Variants in SLC44A1 observed in about 807,000 individuals in gnomAD.
SLC44A1 encodes solute carrier family 44 member 1.
Under a neutral mutation model 79.3 loss-of-function variants are expected in SLC44A1, and 26 were observed. The ratio of observed to expected loss-of-function variants is 0.33; its 90% CI spans 0.24 to 0.46. The LOEUF (loss-of-function observed/expected upper bound fraction) is 0.46, where lower values mean the gene tolerates loss of function less well. Among genes scored for constraint, SLC44A1 ranks in the 20% least tolerant of loss-of-function variants. SLC44A1 has a pLI of 1.00. For missense variants in SLC44A1, 688 were observed against 798.1 expected (o/e 0.86, Z 1.66); for synonymous variants, 263 against 286.2 (o/e 0.92, Z 0.82).
At chr9:105,304,944 G>GTTT (rs10589897) in intron 2 of SLC44A1, among the ~76,000 whole-genome samples, 3 of 20,086 alleles carry the variant, frequency 1.5e-4, no homozygotes, top group African/African-American at 2.7e-4. Flanking sequence ...ACTTTCTATC[G>GTTT]TTTTTTTTTT....
At chr9:105,437,379 A>C (rs1233841112) in intron 15 of SLC44A1, among the ~76,000 whole-genome samples, 1 of 152,054 alleles carries the variant, frequency 6.6e-6, no homozygotes, top group East Asian at 1.9e-4. Flanking sequence ...ATATAGATAT[A>C]ACTAGCTATT....
At chr9:105,405,332 A>G (rs1829016336) in intron 15 of SLC44A1, among the ~76,000 whole-genome samples, 1 of 152,054 alleles carries the variant, frequency 6.6e-6, no homozygotes, top group Non-Finnish European at 1.5e-5. Flanking sequence ...AAAAAAAAAA[A>G]AAGCTAATGG....
At chr9:105,342,983 A>C (rs550787028) in intron 4 of SLC44A1, among the ~76,000 whole-genome samples, 1 of 150,542 alleles carries the variant, frequency 6.6e-6, no homozygotes, top group Admixed American at 6.6e-5. Flanking sequence ...TCTAAAAAAA[A>C]AAAAATATAT....
chr9:105,434,166 C>G (rs958451221), intron 15 of SLC44A1, among the ~76,000 whole-genome samples: 6 of 151,972 alleles, frequency 3.9e-5, no homozygotes, highest in Admixed American at 3.9e-4. Flanking sequence ...TGTGAAACCC[C>G]GTCTCTGTTA....
At chr9:105,437,395 CTAGA>C (rs1019763763) in intron 15 of SLC44A1, among the ~76,000 whole-genome samples, 18 of 151,676 alleles carry the variant, frequency 1.2e-4, no homozygotes, top group African/African-American at 3.1e-4. Flanking sequence ...CTATTGAGAT[CTAGA>C]TAGATAGTTG....
intron 3 of SLC44A1, among the ~76,000 whole-genome samples, chr9:105,333,340 A>G (rs1390765592): frequency 2.6e-5 from 4 of 152,080 alleles, no homozygotes; most frequent in Admixed American, 1.3e-4. Context: ...CTGTGTACTC[A>G]ATGCCTCTCT....
chr9:105,433,131 A>C (rs1276238385), intron 15 of SLC44A1, among the ~76,000 whole-genome samples: 1 of 152,100 alleles, frequency 6.6e-6, no homozygotes, highest in African/African-American at 2.4e-5. Context: ...CCCTGTCTCT[A>C]CTAAAAATAC....
rs72744231 is a variant in SLC44A1 at position 105,314,703 on chromosome 9, G to A, written c.269+4837G>A. 3.7e-3 allele frequency among the ~76,000 whole-genome samples: 558 copies of A among 152,286 alleles called. 2 individuals carry two copies. Among genetic ancestry groups the A allele is most frequent in the Non-Finnish European group, 5.9e-3 (400 of 68,020 alleles). The stretch of plus-strand genomic sequence containing the variant: ...AGGTTGTAAAGAACTAGAGGTCTGC[G>A]GAGGATGATAGCATCTATGTATGAG... On this transcript the variant is annotated intron_variant, in intron 3 of 15. Coordinates refer to ENST00000374720, the MANE Select transcript of SLC44A1 (RefSeq NM_080546.5).
intron 1 of SLC44A1, among the ~76,000 whole-genome samples, chr9:105,292,436 G>C (rs1254963921): frequency 6.6e-6 from 1 of 152,142 alleles, no homozygotes; most frequent in African/African-American, 2.4e-5. Context: ...AAAAAATCTT[G>C]AAATGAAGTG....
intron 1 of SLC44A1, among the ~76,000 whole-genome samples, 186 bp downstream of exon 1, chr9:105,245,090 C>T (rs1482784529): frequency 6.6e-6 from 1 of 152,056 alleles, no homozygotes; most frequent in Non-Finnish European, 1.5e-5. Flanking sequence ...GCTGGCTCCG[C>T]GGCTGCCGAC....
At position 105,244,819 on chromosome 9, in the gene SLC44A1, G is replaced by C. The variant is rs1298677143; in HGVS notation, c.-50G>C. On this transcript the variant is annotated 5_prime_UTR_variant, in exon 1 of 16. Transcript: ENST00000374720. ...GCCGGCTCGCATGCCGAGGGGCTCC[G>C]GGGCGTAGCTGCGCGCCCGGCGCCG... is the stretch of plus-strand genomic sequence containing the variant. 4.0e-5 allele frequency: 43 copies of C among 1,077,600 alleles called. No individual in the cohort carries two copies. The highest frequency in any genetic ancestry group is 2.0e-4 in the Admixed American group (4 of 19,644). 66.8% of individuals were successfully genotyped at this position (1,077,600 alleles called of 1,614,324 possible). A position where few individuals can be genotyped will look rare whatever the true frequency, so the allele number is the denominator to read the frequency against.
chr9:105,421,595 T>TG (rs1314716554), intron 15 of SLC44A1, among the ~76,000 whole-genome samples: 1 of 151,244 alleles, frequency 6.6e-6, no homozygotes, highest in African/African-American at 2.4e-5. Flanking sequence ...TTTTTTTTTT[T>TG]TTTTTTTGAG....
intron 4 of SLC44A1, among the ~76,000 whole-genome samples, chr9:105,346,953 C>T (rs1216863960): frequency 6.6e-6 from 1 of 152,168 alleles, no homozygotes; most frequent in South Asian, 2.1e-4. Flanking sequence ...TTTCAGTATG[C>T]TATTAAGGCT....
intron 1 of SLC44A1, among the ~76,000 whole-genome samples, chr9:105,286,137 G>T (rs1830472110): frequency 6.6e-6 from 1 of 152,170 alleles, no homozygotes; most frequent in African/African-American, 2.4e-5. Flanking sequence ...TTAAGCTGTA[G>T]AATGTACTGC....
chr9:105,389,635 T>C lies in SLC44A1; in HGVS notation c.*579T>C. The C allele has an allele frequency of 5.0e-6, 6 of 1,210,164 alleles. No homozygotes were observed. Among genetic ancestry groups the C allele is most frequent in the Non-Finnish European group, 6.2e-6 (6 of 973,220 alleles). 75.0% of individuals were successfully genotyped at this position (1,210,164 alleles called of 1,614,324 possible). ...TACAATTGGGCCCAATATGGGAATT[T>C]TCATAATAGTTCATACATTTGTCAG... On this transcript the variant is annotated 3_prime_UTR_variant, in exon 16 of 16. Transcript: ENST00000374720.
chr9:105,279,565 C>T (rs1564411467), intron 1 of SLC44A1, among the ~76,000 whole-genome samples: 1 of 152,116 alleles, frequency 6.6e-6, no homozygotes, highest in Non-Finnish European at 1.5e-5. Flanking sequence ...AGCCGCCCGC[C>T]TCGGCCTCCC....
At chr9:105,372,032 G>A (rs933283606) in intron 12 of SLC44A1, among the ~76,000 whole-genome samples, 2 of 152,178 alleles carry the variant, frequency 1.3e-5, no homozygotes, top group African/African-American at 4.8e-5. Context: ...TTGGACCACT[G>A]CAGTTAGGTA....
downstream of SLC44A1, among the ~76,000 whole-genome samples, chr9:105,400,190 C>T (rs969980904): frequency 4.8e-5 from 7 of 144,394 alleles, no homozygotes; most frequent in South Asian, 2.2e-4. Flanking sequence ...AGTGAAACTC[C>T]GTCTCAAAAG....
intron 3 of SLC44A1, among the ~76,000 whole-genome samples, chr9:105,314,859 G>A (rs1831277343): frequency 6.6e-6 from 1 of 152,216 alleles, no homozygotes; most frequent in Non-Finnish European, 1.5e-5. Context: ...TCATTGGCAA[G>A]ATACTCAAAG....
Sources: gnomAD v4.1 joint callset for allele counts (sites outside exome capture counted in the v4.1 genomes callset) on GRCh38, gnomAD v4.1.1 for gene constraint, MANE v1.5 for transcripts, NCBI Gene and HGNC (gene_info 2026-07-23, HGNC 2026-07-21) for gene names.